NHS: variants seen among roughly 807,000 people sequenced by gnomAD.
NHS encodes actin remodeling regulator NHS.
NHS carries 5 observed loss-of-function variants against 72.5 expected under a neutral mutation model. The ratio of observed to expected loss-of-function variants is 0.07; its 90% confidence interval spans 0.04 to 0.14. The LOEUF is 0.14. Among genes scored for constraint, NHS ranks in the 10% least tolerant of loss-of-function variants. The pLI is 1.00. For synonymous variants in NHS, 464 were observed against 547.7 expected, an observed-to-expected ratio of 0.85 and a Z score of 2.13; for missense variants, 1,072 against 1,355.7, an observed-to-expected ratio of 0.79 and a Z score of 3.29.
At chrX:17,504,552 T>C (rs2065048324) in intron 1 of NHS, among the ~76,000 whole-genome samples, 1 of 112,216 alleles carries the variant, frequency 8.9e-6, no homozygotes, top group African/African-American at 3.2e-5. Flanking sequence ...TCATCTTTTC[T>C]TCCCATATAT....
chrX:17,439,571 G>A (rs746109900), intron 1 of NHS, among the ~76,000 whole-genome samples: 13 of 111,861 alleles, frequency 1.2e-4, no homozygotes, highest in Non-Finnish European at 2.3e-4. Flanking sequence ...TTTGCTCAAC[G>A]TTATGTATGG....
intron 1 of NHS, among the ~76,000 whole-genome samples, chrX:17,433,196 C>CTTTT (rs768285319): frequency 3.1e-5 from 2 of 64,631 alleles, no homozygotes; most frequent in Non-Finnish European, 5.7e-5. Context: ...CGCCCGGCTA[C>CTTTT]TTTTTTTTTT....
chrX:17,504,038 A>G (rs995664013), intron 1 of NHS, among the ~76,000 whole-genome samples: 1 of 111,728 alleles, frequency 9.0e-6, no homozygotes, highest in Admixed American at 9.5e-5. Flanking sequence ...AGTACACTGA[A>G]CATATTGGAG....
intron 1 of NHS, among the ~76,000 whole-genome samples, chrX:17,678,591 G>A (rs111354532): frequency 1.5e-3 from 166 of 110,710 alleles, no homozygotes; most frequent in African/African-American, 5.3e-3. Context: ...CTATTGCGAC[G>A]GCAGCAGCAA....
At chrX:17,590,969 G>A (rs950439373) in intron 1 of NHS, among the ~76,000 whole-genome samples, 3 of 111,620 alleles carry the variant, frequency 2.7e-5, no homozygotes, top group Non-Finnish European at 5.7e-5. Flanking sequence ...AAAGAAAATC[G>A]CCACCAAATA....
At position 17,733,253 on chromosome X, in the gene NHS, G is replaced by A. The variant is rs1222340854; in HGVS notation, c.*789G>A. The A allele has an allele frequency of 1.8e-5, 2 of 112,020 alleles. No homozygotes were observed. The highest frequency in any genetic ancestry group is 6.5e-5 in the African/African-American group (2 of 30,723). 9.2% of individuals were successfully genotyped at this position (112,020 alleles called of 1,213,427 possible). A position where few individuals can be genotyped will look rare whatever the true frequency, so the allele number is the denominator to read the frequency against. On this transcript the variant is annotated 3_prime_UTR_variant, in exon 9 of 9. Coordinates refer to ENST00000676302, the MANE Select transcript of NHS (RefSeq NM_001291867.2). Reference sequence around the variant, plus strand: ...AACAAACTAATAGCAACCCATGGCTGTGATTTGTTGTGTGGTAATTTGGAC... The same window carrying A: ...AACAAACTAATAGCAACCCATGGCTATGATTTGTTGTGTGGTAATTTGGAC...
At chrX:17,486,529 G>T (rs1010127718) in intron 1 of NHS, among the ~76,000 whole-genome samples, 1 of 111,262 alleles carries the variant, frequency 9.0e-6, no homozygotes, top group Admixed American at 9.6e-5. Context: ...CTGGGACAGT[G>T]GGCTCTCCAG....
intron 1 of NHS, among the ~76,000 whole-genome samples, chrX:17,421,857 G>A (rs185891842): frequency 7.1e-5 from 8 of 112,211 alleles, no homozygotes; most frequent in African/African-American, 6.5e-5. Context: ...GATTACAGGC[G>A]TGAGCCACCG....
chrX:17,681,190 G>A (rs758720892), intron 1 of NHS, among the ~76,000 whole-genome samples: 33 of 111,821 alleles, frequency 3.0e-4, no homozygotes, highest in African/African-American at 4.6e-4. Context: ...CAAGAAGACA[G>A]GCAAAATAAA....
chrX:17,699,284 C>T (rs2066248650), intron 3 of NHS, among the ~76,000 whole-genome samples: 1 of 111,651 alleles, frequency 9.0e-6, no homozygotes, highest in South Asian at 3.7e-4. Flanking sequence ...GGAAACCTAG[C>T]CCTACCAGAC....
chrX:17,567,103 C>T (rs2065448142), intron 1 of NHS, among the ~76,000 whole-genome samples: 1 of 112,102 alleles, frequency 8.9e-6, no homozygotes, highest in African/African-American at 3.2e-5. Flanking sequence ...GGAGATTTGG[C>T]CTCTAGGGTG....
At chrX:17,556,138 C>T (rs954716998) in intron 1 of NHS, among the ~76,000 whole-genome samples, 2 of 112,584 alleles carry the variant, frequency 1.8e-5, no homozygotes, top group South Asian at 3.7e-4. Flanking sequence ...ATTTTATTTT[C>T]AATTGTTTCT....
At chrX:17,715,971 A>G (rs1452280217) in intron 3 of NHS, among the ~76,000 whole-genome samples, 1 of 111,858 alleles carries the variant, frequency 8.9e-6, no homozygotes, top group Non-Finnish European at 1.9e-5. Flanking sequence ...AAAGAACACA[A>G]TCCCTCCACA....
At chrX:17,670,036 A>G (rs935435980) in intron 1 of NHS, among the ~76,000 whole-genome samples, 3 of 111,930 alleles carry the variant, frequency 2.7e-5, no homozygotes, top group African/African-American at 9.8e-5. Flanking sequence ...AGAAAACCCC[A>G]TCACAAAGGA....
intron 1 of NHS, among the ~76,000 whole-genome samples, chrX:17,546,217 G>T (rs760709155): frequency 2.7e-5 from 3 of 111,554 alleles, no homozygotes; most frequent in Admixed American, 9.5e-5. Flanking sequence ...CTATTATTAG[G>T]GAATGCTCAT....
intron 1 of NHS, among the ~76,000 whole-genome samples, chrX:17,444,742 C>T (rs1413209345): frequency 9.0e-6 from 1 of 111,629 alleles, no homozygotes; most frequent in East Asian, 2.8e-4. Context: ...TCTCTTCCTT[C>T]CTGCCTTCAC....
intron 1 of NHS, among the ~76,000 whole-genome samples, chrX:17,558,434 C>T (rs1190803246): frequency 1.8e-5 from 2 of 112,254 alleles, no homozygotes; most frequent in Admixed American, 9.4e-5. Flanking sequence ...TCAATGGTAA[C>T]AGTACCTTTC....
At chrX:17,398,845 G>T (rs2064488770) in intron 1 of NHS, among the ~76,000 whole-genome samples, 1 of 111,924 alleles carries the variant, frequency 8.9e-6, no homozygotes, top group Admixed American at 9.5e-5. Flanking sequence ...TAACACTTAG[G>T]GAGTGAAGAA....
At chrX:17,593,845 A>G (rs759081940) in intron 1 of NHS, among the ~76,000 whole-genome samples, 22 of 112,041 alleles carry the variant, frequency 2.0e-4, no homozygotes, top group Admixed American at 1.0e-3. Flanking sequence ...GGATGAGTAG[A>G]TGGACAGATG....
Sources: allele counts gnomAD v4.1 joint callset (sites outside exome capture counted in the v4.1 genomes callset), GRCh38; gene constraint gnomAD v4.1.1; transcripts MANE v1.5; gene names NCBI Gene and HGNC (gene_info 2026-07-23, HGNC 2026-07-21).